Variants in GALNT14 observed in about 807,000 individuals in gnomAD.
The protein encoded by GALNT14 is polypeptide N-acetylgalactosaminyltransferase 14.
A neutral mutation model predicts 77.5 loss-of-function variants in GALNT14; 60 were observed. The observed-to-expected ratio is 0.77, with a 90% confidence interval of 0.63 to 0.96. GALNT14 has a LOEUF of 0.96. Among genes scored for constraint, GALNT14 ranks in the 40% least tolerant of loss-of-function variants. The probability of loss-of-function intolerance (pLI) is 0.00; values close to 1 mark genes in which losing one functional copy is unlikely to be tolerated. For missense variants in GALNT14, 710 were observed against 731.0 expected (o/e 0.97, Z 0.33); for synonymous variants, 280 against 281.7 (o/e 0.99, Z 0.06).
chr2:30,967,643 C>T (rs1045894511), intron 2 of GALNT14, among the ~76,000 whole-genome samples: 5 of 152,256 alleles, frequency 3.3e-5, no homozygotes, highest in African/African-American at 1.2e-4. Context: ...CCTTTTGCCC[C>T]ACCTCCTGAA....
intron 1 of GALNT14, among the ~76,000 whole-genome samples, chr2:30,997,989 C>CT (rs879570000): frequency 6.6e-6 from 1 of 152,106 alleles, no homozygotes; most frequent in Admixed American, 6.6e-5. Context: ...CTGAGTTTGA[C>CT]TTTTTTTAGG....
intron 9 of GALNT14, among the ~76,000 whole-genome samples, chr2:30,941,244 T>C (rs1432565109): frequency 6.6e-6 from 1 of 152,158 alleles, no homozygotes; most frequent in Admixed American, 6.5e-5. Flanking sequence ...TGTGATGTGT[T>C]CATTCAACAA....
chr2:30,926,408 T>C (rs999847199), intron 11 of GALNT14, among the ~76,000 whole-genome samples: 5 of 152,224 alleles, frequency 3.3e-5, no homozygotes, highest in Admixed American at 6.5e-5. Flanking sequence ...GGAGCGAACG[T>C]CATGAGTTCA....
Position 30,956,032 on chromosome 2 carries a change from A to G in GALNT14, c.467-55T>C, listed in dbSNP as rs148130745. Reference sequence around the variant, plus strand: ...GCGCCCAGGGATGGACCTACGTGTTACAATTGTGTGCACTGCAGGTGAACC... The same window carrying G: ...GCGCCCAGGGATGGACCTACGTGTTGCAATTGTGTGCACTGCAGGTGAACC... On this transcript the variant is annotated intron_variant, in intron 4 of 14. Coordinates refer to ENST00000349752, the MANE Select transcript of GALNT14 (RefSeq NM_024572.4). 6.1e-5 allele frequency: 96 copies of G among 1,575,062 alleles called. 1 individual carries two copies. In the African/African-American group the frequency reaches 1.1e-3, roughly 18 times the overall value.
intron 2 of GALNT14, among the ~76,000 whole-genome samples, chr2:30,972,144 A>C (rs553562395): frequency 6.6e-6 from 1 of 152,332 alleles, no homozygotes; most frequent in African/African-American, 2.4e-5. Flanking sequence ...AGGCATACCC[A>C]CTAACTCTGA....
At chr2:31,089,841 C>T (rs989483290) in intron 1 of GALNT14, among the ~76,000 whole-genome samples, 1 of 152,140 alleles carries the variant, frequency 6.6e-6, no homozygotes, top group South Asian at 2.1e-4. Flanking sequence ...CTTGTTTATA[C>T]CTGAAAGACA....
chr2:30,998,614 T>C (rs540154063), intron 1 of GALNT14, among the ~76,000 whole-genome samples: 75 of 152,364 alleles, frequency 4.9e-4, no homozygotes, highest in African/African-American at 1.8e-3. Flanking sequence ...ATACTTACTA[T>C]GTGTCATAAC....
intron 3 of GALNT14, among the ~76,000 whole-genome samples, chr2:30,960,585 C>T (rs918498563): frequency 3.3e-5 from 5 of 152,042 alleles, no homozygotes; most frequent in African/African-American, 1.2e-4. Context: ...ACAATTGGAG[C>T]GATGGCGGAG....
intron 1 of GALNT14, among the ~76,000 whole-genome samples, chr2:31,051,219 C>T (rs1156479371): frequency 6.6e-6 from 1 of 152,196 alleles, no homozygotes; most frequent in African/African-American, 2.4e-5. Context: ...AGAGGGAAGG[C>T]ATGACGGTGA....
intron 6 of GALNT14, among the ~76,000 whole-genome samples, chr2:30,949,883 G>T (rs904253491): frequency 2.0e-5 from 3 of 152,164 alleles, no homozygotes; most frequent in African/African-American, 7.2e-5. Flanking sequence ...AAGCTGGCCT[G>T]AAGGGAGGGG....
At chr2:30,970,520 A>G (rs1668282732) in intron 2 of GALNT14, among the ~76,000 whole-genome samples, 1 of 152,164 alleles carries the variant, frequency 6.6e-6, no homozygotes, top group Non-Finnish European at 1.5e-5. Flanking sequence ...GCCGGCCCGC[A>G]CGCCAGGTTC....
In GALNT14 at chr2:31,129,477, C is replaced by T. The variant is rs954431167; in HGVS notation, c.129+8481G>A. ...CCCACCATAAGGACATTAGTCAATTCAGCACCCAGCTGGCAGCCATCAATT... is the reference window on the plus strand; with the variant it reads ...CCCACCATAAGGACATTAGTCAATTTAGCACCCAGCTGGCAGCCATCAATT... On this transcript the variant is annotated intron_variant, in intron 1 of 14. Transcript: ENST00000349752. 2.9e-4 allele frequency: 288 copies of T among 985,350 alleles called. 1 individual carries two copies. The highest frequency in any genetic ancestry group is 1.0e-3 in the Admixed American group (17 of 16,276). The allele number at this position is 985,350 out of a possible 1,614,324, so 61.0% of individuals were successfully genotyped here. A position where few individuals can be genotyped will look rare whatever the true frequency, so the allele number is the denominator to read the frequency against.
Position 31,120,713 on chromosome 2 carries a change from C to T in GALNT14, c.129+17245G>A, listed in dbSNP as rs115128847. On this transcript the variant is annotated intron_variant, in intron 1 of 14. Coordinates refer to ENST00000349752, the MANE Select transcript of GALNT14 (RefSeq NM_024572.4). ...CTAGGACTACAGATGTGTGTGACCA[C>T]GCCCAGCTAATTTTCGTATTTTTAG... Among the ~76,000 whole-genome samples the T allele has an allele frequency of 5.9e-3, 893 of 152,244 alleles. 7 individuals are homozygous for T. Among genetic ancestry groups the T allele is most frequent in the South Asian group, 0.031 (148 of 4,824 alleles).
intron 1 of GALNT14, among the ~76,000 whole-genome samples, chr2:31,133,614 C>A (rs572051336): frequency 2.0e-5 from 3 of 152,300 alleles, no homozygotes; most frequent in Non-Finnish European, 4.4e-5. Flanking sequence ...GCCCTAAACA[C>A]CTGGACTATA....
intron 1 of GALNT14, among the ~76,000 whole-genome samples, chr2:31,002,653 G>C (rs72855270): frequency 6.6e-6 from 1 of 152,166 alleles, no homozygotes; most frequent in Admixed American, 6.5e-5. Context: ...CCAAGAGAGG[G>C]AGACGGTGCA....
chr2:30,973,925 G>A (rs1276932235), intron 2 of GALNT14, among the ~76,000 whole-genome samples: 1 of 152,156 alleles, frequency 6.6e-6, no homozygotes, highest in Non-Finnish European at 1.5e-5. Flanking sequence ...ATTAATTCCA[G>A]TGGTCTAGAA....
chr2:31,061,758 C>T (rs552625067), intron 1 of GALNT14, among the ~76,000 whole-genome samples: 5 of 151,648 alleles, frequency 3.3e-5, no homozygotes, highest in African/African-American at 1.2e-4. Flanking sequence ...CATGCTATTT[C>T]CCCTGCCGAG....
chr2:31,037,337 T>C (rs999267963), intron 1 of GALNT14, among the ~76,000 whole-genome samples: 2 of 152,224 alleles, frequency 1.3e-5, no homozygotes, highest in African/African-American at 4.8e-5. Flanking sequence ...TTCCTTTAAA[T>C]CAATAATTTT....
chr2:31,109,244 G>T (rs1002100376), intron 1 of GALNT14, among the ~76,000 whole-genome samples: 1 of 152,194 alleles, frequency 6.6e-6, no homozygotes, highest in African/African-American at 2.4e-5. Flanking sequence ...ATAAAATTCA[G>T]CAAACTCTCA....
Sources: gnomAD v4.1 joint callset for allele counts (sites outside exome capture counted in the v4.1 genomes callset) on GRCh38, gnomAD v4.1.1 for gene constraint, MANE v1.5 for transcripts, NCBI Gene and HGNC (gene_info 2026-07-23, HGNC 2026-07-21) for gene names.